The following RIMS2 variants were observed in gnomAD, a reference collection of about 807,000 sequenced individuals.
RIMS2 encodes the protein regulating synaptic membrane exocytosis 2.
Under a neutral mutation model 174.4 loss-of-function variants are expected in RIMS2, and 59 were observed. The ratio of observed to expected loss-of-function variants is 0.34; its 90% CI spans 0.27 to 0.42. The LOEUF (loss-of-function observed/expected upper bound fraction) is 0.42, where lower values mean the gene tolerates loss of function less well. RIMS2 is among the 10% of genes least tolerant of loss of function. The pLI, the probability that RIMS2 is intolerant of heterozygous loss-of-function variation, is 1.00. For missense variants in RIMS2, 1,620 were observed against 1,666.3 expected, an observed-to-expected ratio of 0.97 and a Z score of 0.48; for synonymous variants, 606 against 572.5, an observed-to-expected ratio of 1.06 and a Z score of -0.84.
intron 19 of RIMS2, among the ~76,000 whole-genome samples, chr8:104,027,241 C>T (rs1401255334): frequency 6.6e-6 from 1 of 152,144 alleles, no homozygotes; most frequent in East Asian, 1.9e-4. Flanking sequence ...AAGATTTCCT[C>T]TCCCCATTCA....
intron 19 of RIMS2, among the ~76,000 whole-genome samples, chr8:104,107,599 C>G (rs1332016763): frequency 6.6e-6 from 1 of 152,212 alleles, no homozygotes; most frequent in African/African-American, 2.4e-5. Context: ...GTACTTCTAA[C>G]ATAGTGCAAT....
At chr8:103,587,563 C>T (rs928343465) in intron 1 of RIMS2, among the ~76,000 whole-genome samples, 2 of 151,954 alleles carry the variant, frequency 1.3e-5, no homozygotes, top group African/African-American at 4.8e-5. Flanking sequence ...AAGGATCATT[C>T]CTCATGACAA....
At chr8:103,714,322 A>C (rs1564383183) in intron 2 of RIMS2, among the ~76,000 whole-genome samples, 1 of 152,196 alleles carries the variant, frequency 6.6e-6, no homozygotes. Context: ...TAACAATCTA[A>C]ACTTGTGGAT....
exon 4 of RIMS2, chr8:103,886,184 G>A (rs2099199793): frequency 1.9e-6 from 3 of 1,612,068 alleles, no homozygotes; most frequent in African/African-American, 1.3e-5. Flanking sequence ...TACAAGTTGT[G>A]ATGATGTTGA....
chr8:104,171,327 G>A (rs556089268), intron 19 of RIMS2, among the ~76,000 whole-genome samples: 1 of 151,010 alleles, frequency 6.6e-6, no homozygotes, highest in East Asian at 2.0e-4. Context: ...TGGAGACTTT[G>A]TTCATATTTC....
rs146478736 is a variant in RIMS2 at position 103,925,705 on chromosome 8, C to G, written c.2197-2137C>G. Among the ~76,000 whole-genome samples, 396 of 151,574 alleles carry G rather than the reference C, an allele frequency of 2.6e-3. 4 individuals are homozygous for G. The highest frequency in any genetic ancestry group is 8.9e-3 in the African/African-American group (371 of 41,470). On this transcript the variant is annotated intron_variant, in intron 10 of 23. Transcript: ENST00000504942. Reference sequence around the variant, plus strand: ...ACACATAGTAGTTTGCCATCCCTATCTGAAATATCCATAGAGACAGAAAGC... The same window carrying G: ...ACACATAGTAGTTTGCCATCCCTATGTGAAATATCCATAGAGACAGAAAGC...
intron 1 of RIMS2, among the ~76,000 whole-genome samples, chr8:103,602,393 C>A (rs938665221): frequency 2.0e-5 from 3 of 152,126 alleles, no homozygotes; most frequent in South Asian, 2.1e-4. Flanking sequence ...CAGATTATTT[C>A]ATCACCTAGG....
intron 17 of RIMS2, among the ~76,000 whole-genome samples, chr8:103,994,636 T>C (rs2094952416): frequency 6.6e-6 from 1 of 152,110 alleles, no homozygotes. Context: ...CAAAGGACCT[T>C]GAGTATGGCT....
chr8:103,787,746 T>A (rs2098457244), intron 3 of RIMS2, among the ~76,000 whole-genome samples: 2 of 152,122 alleles, frequency 1.3e-5, no homozygotes, highest in African/African-American at 4.8e-5. Flanking sequence ...GACAATTATG[T>A]TCTTGGAGTT....
At chr8:103,572,057 C>G (rs2092853795) in intron 1 of RIMS2, among the ~76,000 whole-genome samples, 2 of 152,252 alleles carry the variant, frequency 1.3e-5, no homozygotes, top group South Asian at 4.2e-4. Context: ...GTGAGTGTTA[C>G]AGATCTTAAA....
chr8:103,534,563 G>T (rs925266262), intron 1 of RIMS2, among the ~76,000 whole-genome samples: 1 of 151,986 alleles, frequency 6.6e-6, no homozygotes. Flanking sequence ...ATATCAGTAC[G>T]TATTTGTATT....
intron 1 of RIMS2, among the ~76,000 whole-genome samples, chr8:103,667,389 C>T (rs1322309514): frequency 6.6e-6 from 1 of 152,148 alleles, no homozygotes; most frequent in South Asian, 2.1e-4. Context: ...TAATCATTGC[C>T]TCATTTACTC....
chr8:104,116,393 A>G (rs1312320178), intron 19 of RIMS2, among the ~76,000 whole-genome samples: 1 of 152,206 alleles, frequency 6.6e-6, no homozygotes, highest in Non-Finnish European at 1.5e-5. Flanking sequence ...TTAAATATGT[A>G]TAAATAAATT....
intron 4 of RIMS2, among the ~76,000 whole-genome samples, chr8:103,907,939 G>A (rs1299738828): frequency 6.6e-6 from 1 of 150,670 alleles, no homozygotes; most frequent in East Asian, 2.0e-4. Context: ...TAGTAGAGAC[G>A]GGGTTTCACC....
chr8:103,951,870 T>C (rs2085467401), intron 14 of RIMS2, among the ~76,000 whole-genome samples: 1 of 152,334 alleles, frequency 6.6e-6, no homozygotes, highest in East Asian at 1.9e-4. Context: ...TTCTTGCTGC[T>C]TGCACAGCAG....
intron 2 of RIMS2, among the ~76,000 whole-genome samples, chr8:103,730,629 A>G (rs1202308769): frequency 1.3e-5 from 2 of 152,172 alleles, no homozygotes; most frequent in Non-Finnish European, 2.9e-5. Flanking sequence ...CGTCACAATT[A>G]CATTGGTGTA....
intron 19 of RIMS2, among the ~76,000 whole-genome samples, chr8:104,179,132 AT>A (rs758529711): frequency 1.4e-3 from 215 of 152,210 alleles, no homozygotes; most frequent in Non-Finnish European, 2.6e-3. Flanking sequence ...TCTGTAAGTC[AT>A]TGAACATAGG....
intron 19 of RIMS2, among the ~76,000 whole-genome samples, chr8:104,231,936 C>T (rs1438879370): frequency 4.6e-5 from 7 of 152,162 alleles, no homozygotes; most frequent in Non-Finnish European, 8.8e-5. Context: ...CCTTATCATG[C>T]AGTGCAGAAT....
At chr8:103,886,513 A>G (rs1168803413) in intron 4 of RIMS2, among the ~76,000 whole-genome samples, 1 of 151,860 alleles carries the variant, frequency 6.6e-6, no homozygotes, top group African/African-American at 2.4e-5. Context: ...ATATCCATTA[A>G]CTGTAGTTTT....
Sources: gnomAD v4.1 joint callset for allele counts (sites outside exome capture counted in the v4.1 genomes callset) on GRCh38, gnomAD v4.1.1 for gene constraint, MANE v1.5 for transcripts, NCBI Gene and HGNC (gene_info 2026-07-23, HGNC 2026-07-21) for gene names.